Variants in RPS4Y1 observed in about 807,000 individuals in gnomAD.
RPS4Y1 encodes ribosomal protein S4 Y-linked 1, also known as small ribosomal subunit protein eS4, Y isoform 1.
For missense variants in RPS4Y1, 30 were observed against 60.9 expected (o/e 0.49, Z 1.69); for synonymous variants, 23 against 20.8 (o/e 1.10, Z -0.28).
chrY:2,864,070 A>G (rs556063613), intron 5 of RPS4Y1, among the ~76,000 whole-genome samples: 111 of 33,566 alleles, frequency 3.3e-3, no homozygotes, highest in African/African-American at 0.012. Flanking sequence ...GAAAGGGTCA[A>G]ACTGCAGAAA....
chrY:2,847,651 G>T, intron 4 of RPS4Y1, among the ~76,000 whole-genome samples: 1 of 33,585 alleles, frequency 3.0e-5, no homozygotes, highest in Non-Finnish European at 7.4e-5. Flanking sequence ...CCCAGCTGTG[G>T]TGTGGAGGAA....
intron 3 of RPS4Y1, among the ~76,000 whole-genome samples, chrY:2,844,502 G>T: frequency 3.0e-5 from 1 of 33,756 alleles, no homozygotes; most frequent in African/African-American, 1.2e-4. Context: ...CATGCTGGCG[G>T]ATTATCAAAG....
chrY:2,864,302 GTTTTGTTTTGT>G (rs2051165479), intron 5 of RPS4Y1, among the ~76,000 whole-genome samples: 1 of 32,623 alleles, frequency 3.1e-5, no homozygotes, highest in South Asian at 6.8e-4. Flanking sequence ...ACTTGTTTGT[GTTTTGTTTTGT>G]TAGTATTAAG....
At chrY:2,850,553 A>G in intron 4 of RPS4Y1, among the ~76,000 whole-genome samples, 1 of 33,267 alleles carries the variant, frequency 3.0e-5, no homozygotes, top group Non-Finnish European at 7.5e-5. Flanking sequence ...TAGGCCTTCT[A>G]TGAGTTCACA....
At chrY:2,854,497 C>T (rs1036109701) in intron 4 of RPS4Y1, 103 bp from the exon 5 acceptor site, 4 of 220,554 alleles carry the variant, frequency 1.8e-5, no homozygotes, top group South Asian at 7.5e-5. Flanking sequence ...CTTCTCTGAC[C>T]GAGGAAATGC....
intron 5 of RPS4Y1, among the ~76,000 whole-genome samples, chrY:2,862,819 C>T (rs2051164645): frequency 8.9e-5 from 3 of 33,893 alleles, no homozygotes; most frequent in African/African-American, 3.5e-4. Context: ...ACTTGAGATT[C>T]CCTTGCTGGC....
chrY:2,852,334 GA>G (rs2051156747), intron 4 of RPS4Y1, among the ~76,000 whole-genome samples: 4 of 34,047 alleles, frequency 1.2e-4, no homozygotes, highest in African/African-American at 4.6e-4. Flanking sequence ...CCTTTTGGAA[GA>G]AAAGGGCTCA....
chrY:2,854,076 C>A, intron 4 of RPS4Y1: 1 of 34,345 alleles, frequency 2.9e-5, no homozygotes, highest in Non-Finnish European at 7.1e-5. Context: ...GGTGATCTGC[C>A]TGCTTTGGCC....
intron 3 of RPS4Y1, among the ~76,000 whole-genome samples, chrY:2,845,153 T>G: frequency 3.1e-5 from 1 of 31,994 alleles, no homozygotes; most frequent in Admixed American, 2.9e-4. Context: ...TTTTTTTTTT[T>G]TAGCATTTTG....
intron 4 of RPS4Y1, among the ~76,000 whole-genome samples, chrY:2,848,155 T>C (rs946555975): frequency 3.0e-5 from 1 of 33,513 alleles, no homozygotes; most frequent in Non-Finnish European, 7.3e-5. Context: ...GTGACAGTTA[T>C]TCTCAAAGTA....
At chrY:2,854,520 G>A in intron 4 of RPS4Y1, 80 bp from the exon 5 acceptor site, 2 of 252,384 alleles carry the variant, frequency 7.9e-6, no homozygotes, top group Non-Finnish European at 1.3e-5. Flanking sequence ...GAAATCGATG[G>A]GATAAGTAAT....
intron 4 of RPS4Y1, among the ~76,000 whole-genome samples, chrY:2,850,559 TCA>T (rs746142885): frequency 3.1e-3 from 102 of 33,245 alleles, no homozygotes; most frequent in Non-Finnish European, 6.1e-3. Flanking sequence ...TTCTATGAGT[TCA>T]CAGTCATAGA....
chrY:2,856,692 G>A (rs758507621), intron 5 of RPS4Y1, among the ~76,000 whole-genome samples: 2 of 31,643 alleles, frequency 6.3e-5, no homozygotes, highest in African/African-American at 2.5e-4. Flanking sequence ...CGCTTCCTGG[G>A]TTCAAGTGAT....
At chrY:2,846,611 T>C in intron 4 of RPS4Y1, among the ~76,000 whole-genome samples, 1 of 33,849 alleles carries the variant, frequency 3.0e-5, no homozygotes, top group Non-Finnish European at 7.3e-5. Context: ...TTCTGACTTA[T>C]TTGGTCGTGT....
At chrY:2,841,872 G>T in intron 1 of RPS4Y1, 1 of 363,361 alleles carries the variant, frequency 2.8e-6, no homozygotes, top group Non-Finnish European at 3.9e-6. Flanking sequence ...TTTTTACCCG[G>T]ATTAGCTTAT....
intron 6 of RPS4Y1, among the ~76,000 whole-genome samples, chrY:2,865,742 T>A (rs756246118): frequency 3.6e-4 from 12 of 33,765 alleles, no homozygotes; most frequent in Non-Finnish European, 5.9e-4. Context: ...TTGTTCAAGA[T>A]GATCTTGCTC....
intron 5 of RPS4Y1, among the ~76,000 whole-genome samples, chrY:2,861,795 G>A (rs2051163769): frequency 3.4e-5 from 1 of 29,822 alleles, no homozygotes; most frequent in Non-Finnish European, 8.0e-5. Context: ...TGTACTTTTA[G>A]TAGAGACGGG....
intron 4 of RPS4Y1, among the ~76,000 whole-genome samples, chrY:2,853,766 A>G (rs2051157748): frequency 3.0e-5 from 1 of 33,536 alleles, no homozygotes; most frequent in Non-Finnish European, 7.4e-5. Flanking sequence ...GAAGAGCAGC[A>G]TTGTGTACAG....
At chrY:2,851,416 C>T in intron 4 of RPS4Y1, among the ~76,000 whole-genome samples, 8 of 33,193 alleles carry the variant, frequency 2.4e-4, no homozygotes, top group Admixed American at 1.6e-3. Context: ...CCCAGGGCTT[C>T]GGGAGGTATA....
Sources: allele counts gnomAD v4.1 joint callset (sites outside exome capture counted in the v4.1 genomes callset), GRCh38; gene constraint gnomAD v4.1.1; transcripts MANE v1.5; gene names NCBI Gene and HGNC (gene_info 2026-07-23, HGNC 2026-07-21).